The following ABCG2 variants were observed in gnomAD, a reference collection of about 807,000 sequenced individuals.
ABCG2 encodes broad substrate specificity ATP-binding cassette transporter ABCG2.
A neutral mutation model predicts 73.5 loss-of-function variants in ABCG2; 80 were observed. That is an observed-to-expected ratio of 1.09 (90% CI 0.91 to 1.31). The LOEUF (loss-of-function observed/expected upper bound fraction) is 1.31, where lower values mean the gene tolerates loss of function less well. Ranked by LOEUF, ABCG2 falls within the 50% of genes most tolerant of loss-of-function variation. The probability of loss-of-function intolerance (pLI) is 0.00; values close to 1 mark genes in which losing one functional copy is unlikely to be tolerated. For missense variants in ABCG2, 796 were observed against 786.2 expected, an observed-to-expected ratio of 1.01 and a Z score of -0.15; for synonymous variants, 269 against 282.4, an observed-to-expected ratio of 0.95 and a Z score of 0.48.
intron 1 of ABCG2, among the ~76,000 whole-genome samples, chr4:88,193,057 A>C (rs1728761514): frequency 6.6e-6 from 1 of 152,002 alleles, no homozygotes; most frequent in Non-Finnish European, 1.5e-5. Flanking sequence ...GTGCCCTTTC[A>C]AAATATATTA....
chr4:88,209,479 C>T (rs1729507950), intron 1 of ABCG2, among the ~76,000 whole-genome samples: 1 of 151,980 alleles, frequency 6.6e-6, no homozygotes, highest in African/African-American at 2.4e-5. Flanking sequence ...GCCTGGCCAA[C>T]ATGGTGAAAT....
At chr4:88,138,975 G>T (rs1440526920) in intron 2 of ABCG2, among the ~76,000 whole-genome samples, 2 of 151,636 alleles carry the variant, frequency 1.3e-5, no homozygotes, top group Non-Finnish European at 2.9e-5. Context: ...ACCCCATCTT[G>T]ACTAAAAATA....
intron 5 of ABCG2, among the ~76,000 whole-genome samples, chr4:88,122,470 T>C (rs1724075005): frequency 6.6e-6 from 1 of 152,118 alleles, no homozygotes; most frequent in Admixed American, 6.6e-5. Context: ...CCTGGGAAGC[T>C]TGAGCTTGGT....
intron 1 of ABCG2, among the ~76,000 whole-genome samples, chr4:88,152,878 A>T (rs969451637): frequency 1.3e-5 from 2 of 152,162 alleles, no homozygotes; most frequent in African/African-American, 4.8e-5. Flanking sequence ...GTGGGAACCT[A>T]AAGTGGGAGA....
chr4:88,230,533 C>G (rs1256634513), intron 1 of ABCG2, among the ~76,000 whole-genome samples: 2 of 151,832 alleles, frequency 1.3e-5, no homozygotes, highest in African/African-American at 4.8e-5. Context: ...CCAACATCCT[C>G]TCTCACTTAG....
rs771012758 is a variant in ABCG2 at position 88,092,359 on chromosome 4, C to G, written c.1843G>C (p.Val615Leu). 1 of 1,610,976 alleles carries G rather than the reference C, an allele frequency of 6.2e-7. No individual in the cohort carries two copies. The highest frequency in any genetic ancestry group is 8.5e-7 in the Non-Finnish European group (1 of 1,179,352). ...GGTGAGAGATCGATGCCCTGCTTTA[C>G]CAAATATTCTTCGCCAGTACATCTG... ...YATCTGEEYLVKQGIDLSPWG... is the reference protein window; with the variant it reads ...YATCTGEEYLLKQGIDLSPWG... The change falls in exon 16 of 16, where the codon GTA becomes CTA. Residue 615 changes from valine to leucine, a missense_variant. By Grantham distance (32) the Val-to-Leu change is conservative. Transcript: ENST00000237612.
intron 1 of ABCG2, among the ~76,000 whole-genome samples, chr4:88,210,056 GTATAAGAC>G (rs1482003532): frequency 6.6e-6 from 1 of 152,138 alleles, no homozygotes; most frequent in Non-Finnish European, 1.5e-5. Context: ...TAAGCATCCT[GTATAAGAC>G]TATTACCTTG....
chr4:88,171,584 T>C (rs1727757985), intron 1 of ABCG2, among the ~76,000 whole-genome samples: 1 of 151,526 alleles, frequency 6.6e-6, no homozygotes, highest in Non-Finnish European at 1.5e-5. Context: ...TCTTCACATT[T>C]TAAAACATTT....
At chr4:88,186,776 G>A (rs1188736770) in intron 1 of ABCG2, among the ~76,000 whole-genome samples, 3 of 151,084 alleles carry the variant, frequency 2.0e-5, no homozygotes, top group African/African-American at 4.9e-5. Context: ...AAAATTAGCC[G>A]GGCGTAGTGG....
chr4:88,196,116 A>T (rs1273096919), intron 1 of ABCG2, among the ~76,000 whole-genome samples: 1 of 152,124 alleles, frequency 6.6e-6, no homozygotes, highest in Non-Finnish European at 1.5e-5. Flanking sequence ...TGGTGGCCTG[A>T]CATTCCTGGG....
Position 88,139,920 on chromosome 4 carries a change from T to C in ABCG2, c.76A>G (p.Asn26Asp), listed in dbSNP as rs758463101. 2 of 1,614,154 alleles carry C rather than the reference T, an allele frequency of 1.2e-6. No homozygotes were observed. The highest frequency in any genetic ancestry group is 2.2e-5 in the South Asian group (2 of 91,074). The change falls in exon 2 of 16, where the codon AAT becomes GAT. Residue 26 changes from asparagine (N) to aspartate (D), a missense_variant. By Grantham distance (23) the Asn-to-Asp change is conservative (BLOSUM62 1). Transcript: ENST00000237612. ...CCTTCAGTAAATGCCTTCAGGTCAT[T>C]GGAAGCTGTCGCGGGGAAGCCATTG... ...NTNGFPATAS[N>D]DLKAFTEGAV... is the part of the protein sequence containing the mutation.
intron 1 of ABCG2, among the ~76,000 whole-genome samples, chr4:88,166,690 G>A (rs985873803): frequency 2.6e-5 from 4 of 152,200 alleles, no homozygotes; most frequent in South Asian, 2.1e-4. Context: ...ACAAAGATGT[G>A]AAGGTAAAGG....
chr4:88,114,652 G>A (rs1327320132), intron 8 of ABCG2, among the ~76,000 whole-genome samples: 2 of 150,962 alleles, frequency 1.3e-5, no homozygotes, highest in Admixed American at 6.6e-5. Context: ...AAATCTGGTT[G>A]TTGCTTCCTA....
At chr4:88,167,021 C>A (rs1727549528) in intron 1 of ABCG2, among the ~76,000 whole-genome samples, 1 of 152,050 alleles carries the variant, frequency 6.6e-6, no homozygotes, top group South Asian at 2.1e-4. Flanking sequence ...AAATTACCAT[C>A]AAGTTAATGT....
At chr4:88,122,545 G>A (rs887230932) in intron 5 of ABCG2, among the ~76,000 whole-genome samples, 1 of 152,190 alleles carries the variant, frequency 6.6e-6, no homozygotes, top group Non-Finnish European at 1.5e-5. Flanking sequence ...CAAAGCCTCT[G>A]GGAAATTCGA....
intron 2 of ABCG2, among the ~76,000 whole-genome samples, chr4:88,134,402 G>A (rs778653276): frequency 3.3e-5 from 5 of 152,132 alleles, no homozygotes; most frequent in Non-Finnish European, 7.4e-5. Flanking sequence ...CAAAGACAAT[G>A]GGAGTTAGGT....
At chr4:88,181,645 C>A (rs964073121) in intron 1 of ABCG2, among the ~76,000 whole-genome samples, 10 of 152,066 alleles carry the variant, frequency 6.6e-5, no homozygotes, top group Non-Finnish European at 1.5e-5. Context: ...GTAAGAAGGT[C>A]ACTTCAGCCC....
At chr4:88,158,644 C>T (rs1160868041), upstream of ABCG2, 2 of 456,288 alleles carry the variant, frequency 4.4e-6, no homozygotes, top group Non-Finnish European at 8.8e-6. Flanking sequence ...GGCACTGCCT[C>T]TTCCCTCCTG....
chr4:88,188,725 G>C (rs1030437928), intron 1 of ABCG2, among the ~76,000 whole-genome samples: 7 of 152,088 alleles, frequency 4.6e-5, no homozygotes, highest in African/African-American at 1.7e-4. Context: ...AACAATTTTA[G>C]ATCTTCCAGG....
Sources: allele counts gnomAD v4.1 joint callset (sites outside exome capture counted in the v4.1 genomes callset), GRCh38; gene constraint gnomAD v4.1.1; transcripts MANE v1.5; gene names NCBI Gene and HGNC (gene_info 2026-07-23, HGNC 2026-07-21).